SHROOM4: variants seen among roughly 807,000 people sequenced by gnomAD.
SHROOM4 encodes the protein shroom family member 4.
Under a neutral mutation model 80.3 loss-of-function variants are expected in SHROOM4, and 17 were observed. The observed-to-expected ratio is 0.21, with a 90% CI of 0.14 to 0.32. SHROOM4 has a LOEUF of 0.32. Ranked by LOEUF, SHROOM4 falls within the 10% of genes least tolerant of loss-of-function variation. SHROOM4 has a pLI of 1.00. For synonymous variants in SHROOM4, 400 were observed against 437.5 expected, an observed-to-expected ratio of 0.91 and a Z score of 1.07; for missense variants, 993 against 1,140.3, an observed-to-expected ratio of 0.87 and a Z score of 1.86.
intron 2 of SHROOM4, among the ~76,000 whole-genome samples, chrX:50,691,222 T>G (rs967703359): frequency 4.5e-5 from 5 of 111,127 alleles, no homozygotes; most frequent in Non-Finnish European, 9.4e-5. Flanking sequence ...TTTATATATT[T>G]GGATGCCATG....
At chrX:50,652,753 A>C (rs1290857866) in intron 2 of SHROOM4, among the ~76,000 whole-genome samples, 52 of 112,135 alleles carry the variant, frequency 4.6e-4, no homozygotes, top group African/African-American at 1.5e-3. Flanking sequence ...ATAAGGTGTA[A>C]GGAAGGGGTC....
At chrX:50,724,296 A>G (rs1441394021) in intron 1 of SHROOM4, among the ~76,000 whole-genome samples, 1 of 112,117 alleles carries the variant, frequency 8.9e-6, no homozygotes, top group Non-Finnish European at 1.9e-5. Flanking sequence ...AGCCTCCAGA[A>G]AAAAATGAGC....
chrX:50,766,817 T>A (rs994388107), intron 1 of SHROOM4, among the ~76,000 whole-genome samples: 2 of 111,561 alleles, frequency 1.8e-5, no homozygotes, highest in South Asian at 7.5e-4. Flanking sequence ...ATGTGACAAA[T>A]ATAAATGATG....
intron 2 of SHROOM4, among the ~76,000 whole-genome samples, chrX:50,664,324 T>C (rs1557260179): frequency 2.7e-5 from 3 of 112,394 alleles, no homozygotes; most frequent in Non-Finnish European, 5.6e-5. Flanking sequence ...GATCATATTG[T>C]TCTTACTTGA....
chrX:50,645,797 T>A (rs1275916177), intron 2 of SHROOM4, among the ~76,000 whole-genome samples: 1 of 111,506 alleles, frequency 9.0e-6, no homozygotes, highest in Non-Finnish European at 1.9e-5. Flanking sequence ...GATGACTGCT[T>A]CTTTTCCAAG....
intron 1 of SHROOM4, among the ~76,000 whole-genome samples, chrX:50,701,193 C>G (rs1169646325): frequency 8.9e-6 from 1 of 112,050 alleles, no homozygotes; most frequent in African/African-American, 3.2e-5. Context: ...TAGCTCCAGT[C>G]AAATTCTAAG....
chrX:50,768,712 T>A (rs916089699), intron 1 of SHROOM4, among the ~76,000 whole-genome samples: 1 of 112,320 alleles, frequency 8.9e-6, no homozygotes, highest in Admixed American at 9.5e-5. Flanking sequence ...CATTATTAAT[T>A]CAACTTTAAT....
intron 5 of SHROOM4, among the ~76,000 whole-genome samples, chrX:50,616,757 C>T (rs1930255430): frequency 9.0e-6 from 1 of 111,410 alleles, no homozygotes; most frequent in Non-Finnish European, 1.9e-5. Context: ...GTTCAGGGAC[C>T]ATATCATGGA....
At chrX:50,689,632 T>C (rs1305562528) in intron 2 of SHROOM4, among the ~76,000 whole-genome samples, 1 of 111,994 alleles carries the variant, frequency 8.9e-6, no homozygotes, top group Non-Finnish European at 1.9e-5. Context: ...TAGCTTCTAA[T>C]TGATTACTGT....
At chrX:50,636,798 C>G (rs1931377716) in intron 3 of SHROOM4, among the ~76,000 whole-genome samples, 1 of 112,052 alleles carries the variant, frequency 8.9e-6, no homozygotes, top group Non-Finnish European at 1.9e-5. Flanking sequence ...TGAAGAAGCA[C>G]AGCTGGAATC....
At chrX:50,618,524 A>G (rs1421980005) in intron 5 of SHROOM4, among the ~76,000 whole-genome samples, 1 of 108,999 alleles carries the variant, frequency 9.2e-6, no homozygotes, top group Non-Finnish European at 1.9e-5. Flanking sequence ...CTCATGCCTC[A>G]GCCTCCCCGT....
At chrX:50,684,107 G>A (rs1013192974) in intron 2 of SHROOM4, among the ~76,000 whole-genome samples, 13 of 112,202 alleles carry the variant, frequency 1.2e-4, no homozygotes, top group African/African-American at 4.2e-4. Context: ...CAAAATTCAT[G>A]TTTACCCAGA....
intron 5 of SHROOM4, among the ~76,000 whole-genome samples, chrX:50,619,684 AC>A (rs1232026773): frequency 9.0e-6 from 1 of 111,482 alleles, no homozygotes; most frequent in Non-Finnish European, 1.9e-5. Flanking sequence ...CTCTCCAATG[AC>A]CCCAATCTAT....
At chrX:50,602,506 G>C in intron 7 of SHROOM4, 127 bp downstream of exon 7, 1 of 649,467 alleles carries the variant, frequency 1.5e-6, no homozygotes, top group Non-Finnish European at 2.5e-6. Flanking sequence ...ATCCAGAGAG[G>C]CTGTATGGTT....
intron 1 of SHROOM4, among the ~76,000 whole-genome samples, chrX:50,724,174 CA>C (rs782013236): frequency 4.5e-5 from 5 of 111,219 alleles, no homozygotes; most frequent in Non-Finnish European, 9.4e-5. Context: ...CCTGTTACAG[CA>C]TGGCCTTTTA....
intron 2 of SHROOM4, among the ~76,000 whole-genome samples, chrX:50,689,040 T>C (rs1213230081): frequency 9.0e-6 from 1 of 111,317 alleles, no homozygotes; most frequent in Non-Finnish European, 1.9e-5. Flanking sequence ...AGCATTAAGA[T>C]TAATGTATTA....
At chrX:50,576,288 C>T in the SHROOM4 span, among the ~76,000 whole-genome samples, 2 of 111,674 alleles carry the variant, frequency 1.8e-5, no homozygotes, top group Non-Finnish European at 3.8e-5. Flanking sequence ...AAGGCATGAG[C>T]CTACCTGAGT....
At chrX:50,795,167 G>GATATATATATCATATATGATAT (rs1935983321) in intron 1 of SHROOM4, among the ~76,000 whole-genome samples, 4 of 43,110 alleles carry the variant, frequency 9.3e-5, no homozygotes, top group African/African-American at 4.2e-4. Context: ...ATATATATAT[G>GATATATATATCATATATGATAT]ATATATATAT....
intron 2 of SHROOM4, among the ~76,000 whole-genome samples, chrX:50,650,786 C>G (rs782130353): frequency 8.9e-6 from 1 of 112,653 alleles, no homozygotes; most frequent in East Asian, 2.8e-4. Flanking sequence ...GGTGATTTCA[C>G]TTAACTATTT....
Sources: allele counts gnomAD v4.1 joint callset (sites outside exome capture counted in the v4.1 genomes callset), GRCh38; gene constraint gnomAD v4.1.1; transcripts MANE v1.5; gene names NCBI Gene and HGNC (gene_info 2026-07-23, HGNC 2026-07-21).